Variants in AK7 observed in about 807,000 individuals in gnomAD.
The protein encoded by AK7 is ATP-AMP transphosphorylase 7.
AK7 carries 78 observed loss-of-function variants against 96.6 expected under a neutral mutation model. The observed-to-expected ratio is 0.81, with a 90% CI of 0.67 to 0.97. AK7 has a LOEUF of 0.97. Among genes scored for constraint, AK7 ranks in the 50% least tolerant of loss-of-function variants. The probability of loss-of-function intolerance (pLI) is 0.00; values close to 1 mark genes in which losing one functional copy is unlikely to be tolerated. For synonymous variants in AK7, 302 were observed against 317.2 expected (o/e 0.95, Z 0.51); for missense variants, 855 against 887.9 (o/e 0.96, Z 0.47).
intron 7 of AK7, among the ~76,000 whole-genome samples, chr14:96,444,574 C>T (rs952191692): frequency 6.6e-6 from 1 of 152,128 alleles, no homozygotes; most frequent in Non-Finnish European, 1.5e-5. Flanking sequence ...TTCGAGAAAG[C>T]CAAAGAGAGC....
At chr14:96,412,377 G>T (rs529579954) in intron 4 of AK7, among the ~76,000 whole-genome samples, 1 of 151,098 alleles carries the variant, frequency 6.6e-6, no homozygotes, top group Non-Finnish European at 1.5e-5. Flanking sequence ...ATAGGAGCCC[G>T]CCACCACACC....
At chr14:96,394,108 CAA>C (rs111317791) in intron 1 of AK7, among the ~76,000 whole-genome samples, 5 of 132,422 alleles carry the variant, frequency 3.8e-5, no homozygotes, top group African/African-American at 2.8e-5. Context: ...AACTCCATCT[CAA>C]AAAAAAAAAA....
intron 10 of AK7, among the ~76,000 whole-genome samples, chr14:96,454,899 T>G (rs1161532358): frequency 6.6e-6 from 1 of 152,260 alleles, no homozygotes; most frequent in East Asian, 1.9e-4. Context: ...GTGCGATGGC[T>G]CACACCTGTA....
intron 5 of AK7, chr14:96,421,469 A>G (rs1005698176): frequency 1.3e-5 from 2 of 152,074 alleles, no homozygotes; most frequent in African/African-American, 4.8e-5. Flanking sequence ...CGTGGAGCTG[A>G]GATTCAGTCT....
chr14:96,428,221 T>C (rs10135080), intron 5 of AK7, among the ~76,000 whole-genome samples: 8,236 of 148,380 alleles, frequency 0.056, 903 homozygotes, highest in African/African-American at 0.2. Context: ...GTGTTTGGTT[T>C]TCTGTCCTTG....
intron 3 of AK7, among the ~76,000 whole-genome samples, chr14:96,405,777 G>T (rs1254943629): frequency 6.6e-6 from 1 of 152,192 alleles, no homozygotes; most frequent in Non-Finnish European, 1.5e-5. Context: ...GTCAAGGAAG[G>T]CTTGTAGAGA....
At chr14:96,478,932 G>A (rs538366310) in intron 15 of AK7, among the ~76,000 whole-genome samples, 26 of 150,394 alleles carry the variant, frequency 1.7e-4, no homozygotes, top group Non-Finnish European at 3.5e-4. Flanking sequence ...GTGGGGGGAT[G>A]GAGTCTCGCT....
chr14:96,466,748 C>G (rs980024041), intron 12 of AK7, among the ~76,000 whole-genome samples: 1 of 152,070 alleles, frequency 6.6e-6, no homozygotes, highest in African/African-American at 2.4e-5. Flanking sequence ...GAAAAATACA[C>G]GGCCGGAGAG....
chr14:96,436,866 ATGTGGAGGAGTCCCTCGCTGTCCAG>A (rs1477487766), intron 5 of AK7, among the ~76,000 whole-genome samples: 1 of 152,058 alleles, frequency 6.6e-6, no homozygotes, highest in African/African-American at 2.4e-5. Context: ...GCAGGCCGCC[ATGTGGAGGAGTCCCTCGCTGTCCAG>A]TGTGGCCTGG....
intron 8 of AK7, among the ~76,000 whole-genome samples, chr14:96,449,424 T>A (rs1309035478): frequency 2.6e-5 from 4 of 151,192 alleles, no homozygotes; most frequent in African/African-American, 9.8e-5. Flanking sequence ...TTGAGGGTGT[T>A]TGTTTGTTTG....
At chr14:96,449,465 G>A (rs1023663691) in intron 8 of AK7, among the ~76,000 whole-genome samples, 15 of 152,104 alleles carry the variant, frequency 9.9e-5, no homozygotes, top group East Asian at 1.9e-4. Flanking sequence ...ATGGAGTCTC[G>A]CTCTATCGCC....
In AK7 at chr14:96,460,468, G is replaced by A. The variant is rs572497930; in HGVS notation, c.1357+2256G>A. On this transcript the variant is annotated intron_variant, in intron 12 of 17. Transcript: ENST00000267584. ...AAGGATGTGGCCAACTCGGATGTAA[G>A]TTGGCATTGGGTGACAGACGGCATG... Among the ~76,000 whole-genome samples the A allele has an allele frequency of 2.0e-5, 3 of 152,256 alleles. 1 individual carries two copies. In the South Asian group the frequency reaches 6.2e-4, roughly 32 times the overall value.
intron 4 of AK7, among the ~76,000 whole-genome samples, chr14:96,415,786 T>G (rs939698235): frequency 6.7e-6 from 1 of 149,524 alleles, no homozygotes; most frequent in Non-Finnish European, 1.5e-5. Context: ...ATTAATTTAA[T>G]ACATTAATTA....
At chr14:96,465,747 C>A (rs1894528044) in intron 12 of AK7, among the ~76,000 whole-genome samples, 1 of 152,156 alleles carries the variant, frequency 6.6e-6, no homozygotes, top group South Asian at 2.1e-4. Flanking sequence ...CGCAGTGGCT[C>A]ACGCCTATAA....
chr14:96,404,820 A>G lies in AK7; in HGVS notation c.358A>G (p.Thr120Ala), dbSNP rs1468000711. The part of the protein sequence containing the change: ...LECDVIIYNI[T>A]ESSQQMEEAI... The stretch of plus-strand genomic sequence containing the variant: ...GTGTGATGTTATTATTTATAACATC[A>G]CTGAGAGCTCACAGCAAATGGAGGA... The change falls in exon 3 of 18, where the codon ACT becomes GCT. Residue 120 changes from threonine to alanine, a missense_variant. Physicochemically the swap from Thr to Ala is moderately conservative, Grantham distance 58. Transcript: ENST00000267584. 2 of 1,610,780 alleles carry G rather than the reference A, an allele frequency of 1.2e-6. No individual in the cohort carries two copies. Among genetic ancestry groups the G allele is most frequent in the Non-Finnish European group, 1.7e-6 (2 of 1,177,542 alleles).
intron 6 of AK7, 105 bp from the exon 7 acceptor site, chr14:96,442,625 A>G: frequency 1.2e-6 from 1 of 854,190 alleles, no homozygotes; most frequent in Non-Finnish European, 2.0e-6. Context: ...TTACTTAAGC[A>G]GATAGCTAGG....
intron 2 of AK7, chr14:96,398,470 G>C: frequency 1.7e-6 from 1 of 593,106 alleles, no homozygotes; most frequent in Non-Finnish European, 3.0e-6. Flanking sequence ...GTTTAAATTA[G>C]ATAGTGTTGG....
intron 6 of AK7, among the ~76,000 whole-genome samples, chr14:96,442,164 G>T (rs1429264917): frequency 6.6e-6 from 1 of 152,180 alleles, no homozygotes; most frequent in Non-Finnish European, 1.5e-5. Context: ...GAGAAGAAAA[G>T]ATGAGGATTT....
intron 4 of AK7, among the ~76,000 whole-genome samples, chr14:96,418,985 G>A (rs886268250): frequency 2.0e-5 from 3 of 152,068 alleles, no homozygotes; most frequent in Admixed American, 6.5e-5. Flanking sequence ...CTCCAACACG[G>A]ATCTCTGAAT....
Sources: gnomAD v4.1 joint callset for allele counts (sites outside exome capture counted in the v4.1 genomes callset) on GRCh38, gnomAD v4.1.1 for gene constraint, MANE v1.5 for transcripts, NCBI Gene and HGNC (gene_info 2026-07-23, HGNC 2026-07-21) for gene names.